Variants in MAN1A2 observed in about 807,000 individuals in gnomAD.
The protein encoded by MAN1A2 is mannosidase alpha class 1A member 2, also known as mannosyl-oligosaccharide 1,2-alpha-mannosidase IB.
In MAN1A2, 26 loss-of-function variants were observed where a neutral mutation model predicts 75.7. The observed-to-expected ratio is 0.34, with a 90% confidence interval of 0.25 to 0.48. MAN1A2 has a LOEUF of 0.48. MAN1A2 is among the 20% of genes least tolerant of loss of function. The pLI, the probability that MAN1A2 is intolerant of heterozygous loss-of-function variation, is 0.99. For missense variants in MAN1A2, 562 were observed against 775.5 expected, an observed-to-expected ratio of 0.72 and a Z score of 3.27; for synonymous variants, 247 against 264.6, an observed-to-expected ratio of 0.93 and a Z score of 0.65.
intron 1 of MAN1A2, 124 bp downstream of exon 1, chr1:117,368,609 G>A: frequency 1.2e-6 from 1 of 848,338 alleles, no homozygotes. Flanking sequence ...ATATTGTATT[G>A]TTACTTCAAG....
chr1:117,501,281 C>G (rs955839893), intron 11 of MAN1A2, among the ~76,000 whole-genome samples: 9 of 151,794 alleles, frequency 5.9e-5, no homozygotes, highest in African/African-American at 2.2e-4. Flanking sequence ...AGTAGTTATA[C>G]TCTAAATTCA....
chr1:117,473,644 T>C (rs922042785), intron 8 of MAN1A2, among the ~76,000 whole-genome samples: 1 of 152,050 alleles, frequency 6.6e-6, no homozygotes. Context: ...ACCACAGAGC[T>C]ATTGCAGCCA....
intron 8 of MAN1A2, among the ~76,000 whole-genome samples, chr1:117,477,750 C>T: frequency 6.6e-6 from 1 of 152,038 alleles, no homozygotes; most frequent in Non-Finnish European, 1.5e-5. Flanking sequence ...TCTCTCACTA[C>T]TCCCATACAA....
intron 5 of MAN1A2, among the ~76,000 whole-genome samples, chr1:117,432,862 T>C (rs1320649778): frequency 6.7e-6 from 1 of 149,366 alleles, no homozygotes; most frequent in Admixed American, 6.7e-5. Context: ...TTGTAAAGCA[T>C]AGCTAGCAAT....
chr1:117,477,212 A>C (rs1374106877), intron 8 of MAN1A2, among the ~76,000 whole-genome samples: 1 of 151,954 alleles, frequency 6.6e-6, no homozygotes, highest in Non-Finnish European at 1.5e-5. Flanking sequence ...TACAAAGAGG[A>C]GCTTGTACCT....
Position 117,429,878 on chromosome 1 carries a change from C to T in MAN1A2, c.855+9229C>T, listed in dbSNP as rs866569571. On this transcript the variant is annotated intron_variant, in intron 5 of 12. Transcript: ENST00000356554. ...GGGGCCGACCCCCCCACCTCCCTCCCAGATGGGGCGGCTGGCCGGGCAGAG... is the reference window on the plus strand; with the variant it reads ...GGGGCCGACCCCCCCACCTCCCTCCTAGATGGGGCGGCTGGCCGGGCAGAG... 2.1e-4 allele frequency among the ~76,000 whole-genome samples: 15 copies of T among 72,854 alleles called. No individual in the cohort carries two copies. The South Asian group carries it at 4.7e-3, about 23-fold the overall frequency. 47.8% of individuals were successfully genotyped at this position (72,854 alleles called of 152,430 possible).
At chr1:117,440,494 A>C (rs1648994751) in intron 5 of MAN1A2, among the ~76,000 whole-genome samples, 1 of 152,178 alleles carries the variant, frequency 6.6e-6, no homozygotes, top group African/African-American at 2.4e-5. Flanking sequence ...AAAATAGGGA[A>C]GATAAGTCTA....
chr1:117,508,839 C>T (rs1444717919), intron 12 of MAN1A2, among the ~76,000 whole-genome samples: 2 of 151,386 alleles, frequency 1.3e-5, no homozygotes, highest in Non-Finnish European at 3.0e-5. Context: ...TGTAGTTTAG[C>T]TTAATTGAAG....
chr1:117,442,160 T>TGA (rs1382914009), intron 5 of MAN1A2, 71 bp from the exon 6 acceptor site: 11 of 961,292 alleles, frequency 1.1e-5, no homozygotes, highest in Admixed American at 5.1e-5. Flanking sequence ...ATGTATACTA[T>TGA]GAGAGAGAGA....
intron 3 of MAN1A2, among the ~76,000 whole-genome samples, chr1:117,410,304 A>G (rs1255232423): frequency 6.6e-6 from 1 of 151,946 alleles, no homozygotes; most frequent in East Asian, 1.9e-4. Flanking sequence ...GTAGTTTAAG[A>G]TATCAGTATA....
intron 10 of MAN1A2, among the ~76,000 whole-genome samples, chr1:117,498,861 C>A (rs1326810485): frequency 6.6e-6 from 1 of 151,794 alleles, no homozygotes; most frequent in African/African-American, 2.4e-5. Context: ...AATATCCATT[C>A]ATTTTTCCTT....
intron 3 of MAN1A2, among the ~76,000 whole-genome samples, chr1:117,407,328 T>C (rs954649616): frequency 6.6e-6 from 1 of 152,164 alleles, no homozygotes; most frequent in Admixed American, 6.5e-5. Flanking sequence ...TCTGTTTCTT[T>C]TGTGTATCTC....
Position 117,528,705 on chromosome 1 carries a change from T to C in MAN1A2, c.*5748T>C, listed in dbSNP as rs945066188. 3 of 152,150 alleles carry C rather than the reference T, an allele frequency of 2.0e-5. No homozygotes were observed. Among genetic ancestry groups the C allele is most frequent in the African/African-American group, 7.2e-5 (3 of 41,452 alleles). 9.4% of individuals were successfully genotyped at this position (152,150 alleles called of 1,614,324 possible). A position where few individuals can be genotyped will look rare whatever the true frequency, so the allele number is the denominator to read the frequency against. Reference sequence around the variant, plus strand: ...ATATCACTGGTCTCAAATTCATTGATAGAATTTTTTCTTAAACTAATAAGT... The same window carrying C: ...ATATCACTGGTCTCAAATTCATTGACAGAATTTTTTCTTAAACTAATAAGT... On this transcript the variant is annotated 3_prime_UTR_variant, in exon 13 of 13. Transcript: ENST00000356554.
Position 117,523,318 on chromosome 1 carries a change from A to G in MAN1A2, c.*361A>G. On this transcript the variant is annotated 3_prime_UTR_variant, in exon 13 of 13. Coordinates refer to ENST00000356554, the MANE Select transcript of MAN1A2 (RefSeq NM_006699.5). ...AATATAGAGCACCTTGCAGGAGTTC[A>G]AGATGGCCTTTGGAACCAATTATGT... 1 of 480,816 alleles carries G rather than the reference A, an allele frequency of 2.1e-6. No homozygotes were observed. Among genetic ancestry groups the G allele is most frequent in the South Asian group, 1.6e-5 (1 of 63,788 alleles). 29.8% of individuals were successfully genotyped at this position (480,816 alleles called of 1,614,324 possible).
chr1:117,487,850 T>A (rs1011438550), intron 8 of MAN1A2, among the ~76,000 whole-genome samples: 7 of 152,112 alleles, frequency 4.6e-5, no homozygotes, highest in African/African-American at 1.7e-4. Context: ...TTTTACAAGT[T>A]ATGTGTTAAC....
At chr1:117,521,634 A>G (rs1288340237) in intron 12 of MAN1A2, among the ~76,000 whole-genome samples, 1 of 152,006 alleles carries the variant, frequency 6.6e-6, no homozygotes, top group Non-Finnish European at 1.5e-5. Flanking sequence ...TTAAATCACT[A>G]AAAGTAGAAC....
At chr1:117,506,034 C>G (rs947536033) in intron 12 of MAN1A2, among the ~76,000 whole-genome samples, 1 of 151,396 alleles carries the variant, frequency 6.6e-6, no homozygotes, top group Non-Finnish European at 1.5e-5. Flanking sequence ...TATTAAAATA[C>G]AATTGAATAA....
In MAN1A2 at chr1:117,397,802, C is replaced by T. The variant is rs371830401; in HGVS notation, c.303-4384C>T. On this transcript the variant is annotated intron_variant, in intron 1 of 12. Transcript: ENST00000356554. Reference sequence around the variant, plus strand: ...GAGTAGCTGGGATTACAGGCACCTACCACCATGCCCAGCTAATTTTTGTAT... The same window carrying T: ...GAGTAGCTGGGATTACAGGCACCTATCACCATGCCCAGCTAATTTTTGTAT... 2.3e-4 allele frequency among the ~76,000 whole-genome samples: 35 copies of T among 151,990 alleles called. 2 individuals are homozygous for T. The South Asian group carries it at 6.7e-3, about 29-fold the overall frequency.
intron 5 of MAN1A2, among the ~76,000 whole-genome samples, chr1:117,422,927 C>T (rs770922642): frequency 2.6e-5 from 4 of 152,072 alleles, no homozygotes; most frequent in Non-Finnish European, 5.9e-5. Context: ...GTACAATTTA[C>T]TAATTTTGTC....
Sources: allele counts gnomAD v4.1 joint callset (sites outside exome capture counted in the v4.1 genomes callset), GRCh38; gene constraint gnomAD v4.1.1; transcripts MANE v1.5; gene names NCBI Gene and HGNC (gene_info 2026-07-23, HGNC 2026-07-21).